LTV1: variants seen among roughly 807,000 people sequenced by gnomAD.
The protein encoded by LTV1 is protein LTV1 homolog.
In LTV1, 39 loss-of-function variants were observed where a neutral mutation model predicts 59.9. The ratio of observed to expected loss-of-function variants is 0.65; its 90% CI spans 0.50 to 0.85. The LOEUF (loss-of-function observed/expected upper bound fraction) is 0.85, where lower values mean the gene tolerates loss of function less well. LTV1 is among the 40% of genes least tolerant of loss of function. The probability of loss-of-function intolerance (pLI) is 0.00; values close to 1 mark genes in which losing one functional copy is unlikely to be tolerated. For synonymous variants in LTV1, 171 were observed against 189.5 expected (o/e 0.90, Z 0.80); for missense variants, 493 against 549.1 (o/e 0.90, Z 1.02).
Position 143,857,587 on chromosome 6 carries a change from A to C in LTV1, c.539+143A>C. ...TCTGTATTTTAGAGCAGAAAATGTG[A>C]GATTCATTGCTTTTCCTACCAAACC... On this transcript the variant is annotated intron_variant, in intron 5 of 10. Transcript: ENST00000367576. This position sits in a 1 kb window ranked among gnomAD's most constrained non-coding sequence, Gnocchi z 5.2. 9.2e-7 allele frequency: 1 copy of C among 1,091,678 alleles called. No homozygotes were observed. The highest frequency in any genetic ancestry group is 1.5e-5 in the South Asian group (1 of 66,626). 67.6% of individuals were successfully genotyped at this position (1,091,678 alleles called of 1,614,324 possible). A position where few individuals can be genotyped will look rare whatever the true frequency, so the allele number is the denominator to read the frequency against.
chr6:143,852,616 T>C (rs191689005), intron 4 of LTV1, among the ~76,000 whole-genome samples: 1 of 152,352 alleles, frequency 6.6e-6, no homozygotes. Context: ...ACATTGCTTT[T>C]GATGTTTTAG....
At chr6:143,847,647 C>G (rs943316480) in intron 3 of LTV1, among the ~76,000 whole-genome samples, 1 of 152,234 alleles carries the variant, frequency 6.6e-6, no homozygotes, top group African/African-American at 2.4e-5. Context: ...AGGCGTGAGC[C>G]ACCGCGCCCG....
At chr6:143,856,211 C>T (rs1777074312) in intron 4 of LTV1, among the ~76,000 whole-genome samples, 1 of 152,176 alleles carries the variant, frequency 6.6e-6, no homozygotes, top group Admixed American at 6.5e-5. Context: ...GTCCTTTCTT[C>T]CACTTGATCA....
chr6:143,843,725 G>C (rs1399159581), intron 1 of LTV1, among the ~76,000 whole-genome samples: 1 of 152,094 alleles, frequency 6.6e-6, no homozygotes, highest in Non-Finnish European at 1.5e-5. Context: ...TTTATCCCTG[G>C]GAGCCTGCAG....
Position 143,857,921 on chromosome 6 carries a change from A to G in LTV1, c.709A>G (p.Lys237Glu). 1 of 1,614,136 alleles carries G rather than the reference A, an allele frequency of 6.2e-7. No individual in the cohort carries two copies. Among genetic ancestry groups the G allele is most frequent in the Non-Finnish European group, 8.5e-7 (1 of 1,180,006 alleles). ...ADHLFWSEETKSRFTEYSMTS... is the reference protein window; with the variant it reads ...ADHLFWSEETESRFTEYSMTS... Reference sequence around the variant, plus strand: ...TCACTTGTTCTGGAGTGAGGAAACAAAGAGTCGCTTCACGGAGTATTCGAT... The same window carrying G: ...TCACTTGTTCTGGAGTGAGGAAACAGAGAGTCGCTTCACGGAGTATTCGAT... The change falls in exon 6 of 11, where the codon AAG becomes GAG. Residue 237 changes from lysine to glutamate, a missense_variant. Transcript: ENST00000367576. The surrounding 1 kb of genome is among the most constrained non-coding windows in gnomAD (Gnocchi z 5.2).
Position 143,863,005 on chromosome 6 carries a change from A to G in LTV1, c.1117-81A>G. 6.9e-7 allele frequency: 1 copy of G among 1,449,272 alleles called. No homozygotes were observed. Among genetic ancestry groups the G allele is most frequent in the Non-Finnish European group, 9.7e-7 (1 of 1,033,420 alleles). The allele number at this position is 1,449,272 out of a possible 1,614,324, so 89.8% of individuals were successfully genotyped here. ...TTATGGCTAGAGTGATATTAGAAAA[A>G]GCATCAACAGTATGTCATTAATGAG... On this transcript the variant is annotated intron_variant, in intron 9 of 10. Transcript: ENST00000367576. The surrounding 1 kb of genome is among the most constrained non-coding windows in gnomAD (Gnocchi z 4.5).
chr6:143,845,975 C>G, intron 2 of LTV1, 76 bp from the exon 3 acceptor site: 1 of 1,419,354 alleles, frequency 7.0e-7, no homozygotes, highest in South Asian at 1.3e-5. Context: ...ATTCCCATGC[C>G]TTATCCTTGG....
At chr6:143,845,805 T>C (rs1562328635) in intron 2 of LTV1, among the ~76,000 whole-genome samples, 1 of 152,252 alleles carries the variant, frequency 6.6e-6, no homozygotes, top group Non-Finnish European at 1.5e-5. Context: ...TATTGCCCTT[T>C]TAAAAGCATG....
intron 4 of LTV1, among the ~76,000 whole-genome samples, chr6:143,852,526 G>T (rs921199251): frequency 6.6e-6 from 1 of 152,024 alleles, no homozygotes; most frequent in African/African-American, 2.4e-5. Context: ...GTTGCCTGTT[G>T]ACTCTGATGA....
Position 143,862,917 on chromosome 6 carries a change from C to G in LTV1, c.1116+21C>G, listed in dbSNP as rs1392670402. ...CAAAGGTAAGTCCTAGTGTGCTGAG[C>G]TATTTGAAGGATGCAGTGCATAAAA... On this transcript the variant is annotated intron_variant, in intron 9 of 10. Transcript: ENST00000367576. This position sits in a 1 kb window ranked among gnomAD's most constrained non-coding sequence, Gnocchi z 4.2. 1.3e-6 allele frequency: 2 copies of G among 1,570,972 alleles called. No homozygotes were observed. Among genetic ancestry groups the G allele is most frequent in the Non-Finnish European group, 1.8e-6 (2 of 1,141,028 alleles).
In LTV1 at chr6:143,843,377, A is replaced by C; in HGVS notation, c.-101A>C. ...GGGTCCTGGGGCTGCACGTGTGGTG[A>C]GGCCTACAGAAGCGGCCTTCAGCTG... On this transcript the variant is annotated 5_prime_UTR_variant, in exon 1 of 11. Coordinates refer to ENST00000367576, the MANE Select transcript of LTV1 (RefSeq NM_032860.5). 7.1e-7 allele frequency: 1 copy of C among 1,411,914 alleles called. No homozygotes were observed. Among genetic ancestry groups the C allele is most frequent in the South Asian group, 1.1e-5 (1 of 87,166 alleles). The allele number at this position is 1,411,914 out of a possible 1,614,324, so 87.5% of individuals were successfully genotyped here.
At chr6:143,843,567 C>A in intron 1 of LTV1, 87 bp downstream of exon 1, 1 of 1,566,174 alleles carries the variant, frequency 6.4e-7, no homozygotes. Context: ...GCTACTGCGG[C>A]CCGGGTCTGG....
intron 3 of LTV1, among the ~76,000 whole-genome samples, chr6:143,847,921 A>G (rs968247657): frequency 1.3e-5 from 2 of 152,236 alleles, no homozygotes; most frequent in African/African-American, 4.8e-5. Context: ...CCCTAGAAAC[A>G]GTGTAAGACA....
intron 6 of LTV1, 64 bp downstream of exon 6, chr6:143,858,071 T>G: frequency 6.6e-7 from 1 of 1,506,920 alleles, no homozygotes; most frequent in Non-Finnish European, 9.0e-7. Context: ...TTTTAATACC[T>G]GTCAGCTTTA....
At chr6:143,852,074 T>C (rs952989371) in intron 4 of LTV1, among the ~76,000 whole-genome samples, 1 of 152,220 alleles carries the variant, frequency 6.6e-6, no homozygotes, top group Non-Finnish European at 1.5e-5. Flanking sequence ...TTTATTATCC[T>C]TTGGGTATGT....
chr6:143,844,681 T>G (rs1037189201), intron 2 of LTV1, 64 bp downstream of exon 2: 106 of 1,531,914 alleles, frequency 6.9e-5, no homozygotes, highest in Non-Finnish European at 9.0e-5. Flanking sequence ...TCTTTTTTTT[T>G]TTTTAAATAA....
intron 3 of LTV1, among the ~76,000 whole-genome samples, chr6:143,848,915 A>G (rs1776939675): frequency 6.6e-6 from 1 of 152,188 alleles, no homozygotes; most frequent in Admixed American, 6.5e-5. Context: ...CGCCAAGTAA[A>G]GTGTTTTGCA....
At position 143,845,517 on chromosome 6, in the gene LTV1, AGGCACAC is replaced by A. The variant is rs1776876937; in HGVS notation, c.136-532_136-526del. On this transcript the variant is annotated intron_variant, in intron 2 of 10. Transcript: ENST00000367576. Reference sequence around the variant, plus strand: ...TAGCCTCCAGAGTAGCCGGTACTACAGGCACACGCCACCTGGCCTGGCTGATTTTTAA... The same window carrying A: ...TAGCCTCCAGAGTAGCCGGTACTACAGCCACCTGGCCTGGCTGATTTTTAA... Among the ~76,000 whole-genome samples, 4 of 152,236 alleles carry A rather than the reference AGGCACAC, an allele frequency of 2.6e-5. No homozygotes were observed. In the South Asian group the frequency reaches 8.3e-4, roughly 32 times the overall value.
In LTV1 at chr6:143,862,781, C is replaced by A; in HGVS notation, c.1064-63C>A. The A allele has an allele frequency of 1.0e-6, 1 of 992,696 alleles. No homozygotes were observed. Among genetic ancestry groups the A allele is most frequent in the Non-Finnish European group, 1.6e-6 (1 of 616,056 alleles). The allele number at this position is 992,696 out of a possible 1,614,324, so 61.5% of individuals were successfully genotyped here. On this transcript the variant is annotated intron_variant, in intron 8 of 10. Transcript: ENST00000367576. The surrounding 1 kb of genome is among the most constrained non-coding windows in gnomAD (Gnocchi z 4.2). ...CAAGGTCAGAAATATAGTAGGAATT[C>A]AGTAATGCTTTGTGGAACTGAAAAC...
Sources: allele counts gnomAD v4.1 joint callset (sites outside exome capture counted in the v4.1 genomes callset), GRCh38; gene constraint gnomAD v4.1.1; non-coding constraint Gnocchi (gnomAD v3.1); transcripts MANE v1.5; gene names NCBI Gene and HGNC (gene_info 2026-07-23, HGNC 2026-07-21).